ELAPOR1: variants seen among roughly 807,000 people sequenced by gnomAD.
ELAPOR1 encodes the protein endosome-lysosome associated apoptosis and autophagy regulator 1.
Under a neutral mutation model 119.7 loss-of-function variants are expected in ELAPOR1, and 77 were observed. That is an observed-to-expected ratio of 0.64 (90% CI 0.54 to 0.78). ELAPOR1 has a LOEUF of 0.78. Ranked by LOEUF, ELAPOR1 falls within the 30% of genes least tolerant of loss-of-function variation. ELAPOR1 has a pLI of 0.00. For synonymous variants in ELAPOR1, 481 were observed against 487.2 expected, an observed-to-expected ratio of 0.99 and a Z score of 0.17; for missense variants, 1,115 against 1,270.4, an observed-to-expected ratio of 0.88 and a Z score of 1.86.
chr1:109,188,479 C>G lies in ELAPOR1; in HGVS notation c.1219+125C>G, dbSNP rs558696645. On this transcript the variant is annotated intron_variant, in intron 9 of 21. Coordinates refer to ENST00000369939, the MANE Select transcript of ELAPOR1 (RefSeq NM_020775.5). ...AAGGGAGGCAGTAAGGAATAAGGAC[C>G]AGGCCACCTTTGAGGACTAAATTCA... The G allele has an allele frequency of 9.3e-4, 1,032 of 1,108,148 alleles. 3 individuals carry two copies. Among genetic ancestry groups the G allele is most frequent in the Non-Finnish European group, 1.2e-3 (958 of 777,046 alleles). The allele number at this position is 1,108,148 out of a possible 1,614,324, so 68.6% of individuals were successfully genotyped here.
chr1:109,117,895 C>T (rs1450137849), intron 1 of ELAPOR1, among the ~76,000 whole-genome samples: 7 of 151,802 alleles, frequency 4.6e-5, no homozygotes, highest in African/African-American at 9.7e-5. Context: ...TTTGGGAGGC[C>T]GAGGCAGGTG....
Position 109,203,336 on chromosome 1 carries a change from C to T in ELAPOR1, c.*324C>T. Reference sequence around the variant, plus strand: ...TTTGGAATGAAAATATTTCTATCTTCTTAAGTATAGAAACTATTTCCTCTG... The same window carrying T: ...TTTGGAATGAAAATATTTCTATCTTTTTAAGTATAGAAACTATTTCCTCTG... On this transcript the variant is annotated 3_prime_UTR_variant, in exon 22 of 22. Coordinates refer to ENST00000369939, the MANE Select transcript of ELAPOR1 (RefSeq NM_020775.5). The T allele has an allele frequency of 3.2e-6, 1 of 309,952 alleles. No homozygotes were observed. The highest frequency in any genetic ancestry group is 5.9e-6 in the Non-Finnish European group (1 of 168,174). The allele number at this position is 309,952 out of a possible 1,614,324, so 19.2% of individuals were successfully genotyped here. A position where few individuals can be genotyped will look rare whatever the true frequency, so the allele number is the denominator to read the frequency against.
chr1:109,164,474 A>G (rs1251090793), intron 2 of ELAPOR1, 25 bp from the exon 3 acceptor site: 11 of 1,590,650 alleles, frequency 6.9e-6, no homozygotes, highest in South Asian at 1.1e-5. Flanking sequence ...TCACTGCCCC[A>G]CCTTGTCTCT....
At chr1:109,119,009 T>C (rs1248497239) in intron 1 of ELAPOR1, among the ~76,000 whole-genome samples, 2 of 148,586 alleles carry the variant, frequency 1.3e-5, no homozygotes, top group East Asian at 4.1e-4. Context: ...GCAATTCTCC[T>C]GCCTCAGCCT....
At chr1:109,177,461 T>G (rs1238945794) in intron 7 of ELAPOR1, among the ~76,000 whole-genome samples, 1 of 114,856 alleles carries the variant, frequency 8.7e-6, no homozygotes, top group East Asian at 2.7e-4. Context: ...AGACGATGGG[T>G]GGCCGGGCAG....
intron 3 of ELAPOR1, among the ~76,000 whole-genome samples, chr1:109,169,225 A>G (rs12035702): frequency 0.47 from 70,966 of 151,928 alleles, 17,625 homozygotes; most frequent in African/African-American, 0.65. Context: ...CTAATCTGAG[A>G]TTCCTTTAAC....
intron 7 of ELAPOR1, among the ~76,000 whole-genome samples, chr1:109,174,209 G>A (rs1490994899): frequency 3.3e-5 from 5 of 150,188 alleles, no homozygotes; most frequent in Admixed American, 3.3e-4. Context: ...TAGAGACAGG[G>A]GTCTTGCTAG....
intron 1 of ELAPOR1, among the ~76,000 whole-genome samples, chr1:109,145,952 T>C (rs1173650480): frequency 1.3e-5 from 2 of 152,130 alleles, no homozygotes; most frequent in Non-Finnish European, 2.9e-5. Context: ...AGAGAAAGAA[T>C]AGCAAAAGCA....
chr1:109,162,115 CATTAAGGA>C, intron 2 of ELAPOR1, 101 bp downstream of exon 2: 1 of 1,322,254 alleles, frequency 7.6e-7, no homozygotes. Flanking sequence ...AGAGCAGCTG[CATTAAGGA>C]ATCAGATCTT....
chr1:109,181,362 C>A (rs114130764), intron 7 of ELAPOR1, among the ~76,000 whole-genome samples: 147 of 152,280 alleles, frequency 9.7e-4, no homozygotes, highest in African/African-American at 3.4e-3. Flanking sequence ...ACTTAAGTCA[C>A]TTTTCACTCC....
chr1:109,183,594 T>TTTCCTCCCTCCC (rs1652869531), intron 7 of ELAPOR1, among the ~76,000 whole-genome samples: 1 of 122,998 alleles, frequency 8.1e-6, no homozygotes, highest in Non-Finnish European at 1.7e-5. Context: ...CCTTCCTTCC[T>TTTCCTCCCTCCC]TCCTTCCTTC....
At chr1:109,127,859 C>T (rs1477016450) in intron 1 of ELAPOR1, among the ~76,000 whole-genome samples, 3 of 149,036 alleles carry the variant, frequency 2.0e-5, no homozygotes, top group African/African-American at 7.4e-5. Flanking sequence ...CCACTGCACC[C>T]GGCCTGCTTT....
intron 21 of ELAPOR1, 35 bp downstream of exon 21, chr1:109,200,935 G>A (rs1387768849): frequency 6.3e-7 from 1 of 1,592,952 alleles, no homozygotes; most frequent in Admixed American, 1.7e-5. Context: ...AGGTCAGCCT[G>A]GAGGGCTGGA....
chr1:109,192,996 T>G, intron 14 of ELAPOR1, 122 bp downstream of exon 14: 1 of 1,097,202 alleles, frequency 9.1e-7, no homozygotes, highest in Non-Finnish European at 1.3e-6. Flanking sequence ...AGCATACTCC[T>G]AGGTTGGAGT....
intron 10 of ELAPOR1, 39 bp from the exon 11 acceptor site, chr1:109,189,553 C>T (rs1275883284): frequency 6.3e-7 from 1 of 1,582,218 alleles, no homozygotes; most frequent in African/African-American, 1.3e-5. Context: ...GCCTTGCACC[C>T]AAGAGCACAA....
intron 1 of ELAPOR1, among the ~76,000 whole-genome samples, chr1:109,152,699 T>G (rs909057929): frequency 1.3e-5 from 2 of 151,934 alleles, no homozygotes; most frequent in Non-Finnish European, 2.9e-5. Context: ...TCCCAGCACT[T>G]TGGGAGGCTG....
At chr1:109,158,865 T>TG (rs1651059112) in intron 1 of ELAPOR1, among the ~76,000 whole-genome samples, 1 of 151,382 alleles carries the variant, frequency 6.6e-6, no homozygotes, top group South Asian at 2.1e-4. Context: ...GTTCTATCCC[T>TG]GGTTTAACTC....
At chr1:109,147,074 T>TA (rs1443003146) in intron 1 of ELAPOR1, among the ~76,000 whole-genome samples, 1 of 148,264 alleles carries the variant, frequency 6.7e-6, no homozygotes, top group African/African-American at 2.5e-5. Context: ...CCTGGCTAAT[T>TA]TTTTTTTTTT....
intron 1 of ELAPOR1, 44 bp from the exon 2 acceptor site, chr1:109,161,850 A>G (rs770940788): frequency 6.3e-7 from 1 of 1,574,978 alleles, no homozygotes; most frequent in Non-Finnish European, 8.7e-7. Context: ...TTAATGTTTG[A>G]TCACTGCTAA....
Sources: gnomAD v4.1 joint callset for allele counts (sites outside exome capture counted in the v4.1 genomes callset) on GRCh38, gnomAD v4.1.1 for gene constraint, MANE v1.5 for transcripts, NCBI Gene and HGNC (gene_info 2026-07-23, HGNC 2026-07-21) for gene names.